ROBO2: variants seen among roughly 807,000 people sequenced by gnomAD.
The protein encoded by ROBO2 is roundabout homolog 2.
Under a neutral mutation model 160.8 loss-of-function variants are expected in ROBO2, and 53 were observed. The ratio of observed to expected loss-of-function variants is 0.33; its 90% CI spans 0.26 to 0.41. ROBO2 has a LOEUF of 0.41. Among genes scored for constraint, ROBO2 ranks in the 10% least tolerant of loss-of-function variants. The pLI, the probability that ROBO2 is intolerant of heterozygous loss-of-function variation, is 1.00. For synonymous variants in ROBO2, 664 were observed against 611.7 expected, an observed-to-expected ratio of 1.09 and a Z score of -1.26; for missense variants, 1,577 against 1,722.4, an observed-to-expected ratio of 0.92 and a Z score of 1.49.
chr3:76,016,260 G>C (rs2066401722), intron 2 of ROBO2, among the ~76,000 whole-genome samples: 1 of 151,994 alleles, frequency 6.6e-6, no homozygotes, highest in African/African-American at 2.4e-5. Context: ...GACAGGCTGT[G>C]CTTTTTAGAG....
At chr3:76,083,433 C>T (rs1194901374) in intron 2 of ROBO2, among the ~76,000 whole-genome samples, 1 of 152,028 alleles carries the variant, frequency 6.6e-6, no homozygotes, top group African/African-American at 2.4e-5. Context: ...TTGAGATTGA[C>T]CACTGTTCAT....
At chr3:76,270,263 A>G (rs1707352606) in intron 2 of ROBO2, among the ~76,000 whole-genome samples, 1 of 152,080 alleles carries the variant, frequency 6.6e-6, no homozygotes, top group Admixed American at 6.6e-5. Flanking sequence ...AACACTTTAA[A>G]TACACATTTC....
intron 2 of ROBO2, among the ~76,000 whole-genome samples, chr3:76,990,181 C>T (rs1258400613): frequency 6.6e-6 from 1 of 152,110 alleles, no homozygotes; most frequent in African/African-American, 2.4e-5. Context: ...TGGGATTCAT[C>T]ACGATGTATT....
chr3:77,024,201 G>A (rs1244725390), intron 2 of ROBO2, among the ~76,000 whole-genome samples: 3 of 152,176 alleles, frequency 2.0e-5, no homozygotes, highest in Admixed American at 1.3e-4. Flanking sequence ...GTAGAGAAAT[G>A]TGTGAACATT....
chr3:76,875,027 T>C (rs2072552539), intron 2 of ROBO2, among the ~76,000 whole-genome samples: 1 of 152,200 alleles, frequency 6.6e-6, no homozygotes, highest in South Asian at 2.1e-4. Context: ...ATGAAACTAA[T>C]GGCCAAAAGA....
chr3:76,871,659 A>G (rs1037583093), intron 2 of ROBO2, among the ~76,000 whole-genome samples: 6 of 152,214 alleles, frequency 3.9e-5, no homozygotes, highest in African/African-American at 1.4e-4. Flanking sequence ...CAGATAAAAC[A>G]TATTTTTCAG....
chr3:76,346,935 T>A (rs1185487794), intron 2 of ROBO2, among the ~76,000 whole-genome samples: 1 of 152,126 alleles, frequency 6.6e-6, no homozygotes, highest in African/African-American at 2.4e-5. Context: ...CTCCCTAATG[T>A]GAAGATGATG....
At chr3:77,359,771 T>C (rs1196483668) in intron 2 of ROBO2, among the ~76,000 whole-genome samples, 1 of 152,158 alleles carries the variant, frequency 6.6e-6, no homozygotes, top group African/African-American at 2.4e-5. Flanking sequence ...CTCAAACTCC[T>C]GGGCTCAAGT....
intron 2 of ROBO2, among the ~76,000 whole-genome samples, chr3:76,020,889 C>T (rs1358552518): frequency 6.6e-6 from 1 of 151,786 alleles, no homozygotes; most frequent in East Asian, 1.9e-4. Flanking sequence ...TTACTTACAT[C>T]TTACTTTTGA....
At chr3:76,248,806 C>T (rs1345067961) in intron 2 of ROBO2, among the ~76,000 whole-genome samples, 2 of 151,962 alleles carry the variant, frequency 1.3e-5, no homozygotes, top group African/African-American at 4.8e-5. Flanking sequence ...CTCTCTAAAC[C>T]CTGTCATTTC....
chr3:77,041,719 G>A (rs2064120502), intron 1 of ROBO2, among the ~76,000 whole-genome samples: 1 of 152,110 alleles, frequency 6.6e-6, no homozygotes, highest in Non-Finnish European at 1.5e-5. Context: ...AAAGAAAAAA[G>A]TTAAAAGAAT....
chr3:76,122,771 A>G lies in ROBO2; in HGVS notation c.109+185169A>G, dbSNP rs534354876. Among the ~76,000 whole-genome samples, 11 of 152,272 alleles carry G rather than the reference A, an allele frequency of 7.2e-5. No homozygotes were observed. In the South Asian group the frequency reaches 2.3e-3, roughly 32 times the overall value. On this transcript the variant is annotated intron_variant, in intron 2 of 26. Transcript: ENST00000487694. ...GCTTTATGGTTGTTGATACTGTAGC[A>G]TGATGGACATATATATTCATTTGTG...
intron 2 of ROBO2, among the ~76,000 whole-genome samples, chr3:76,957,852 A>C (rs1017627006): frequency 2.0e-5 from 3 of 152,096 alleles, no homozygotes; most frequent in Admixed American, 1.3e-4. Flanking sequence ...AAAAGTGATA[A>C]AATTTAACTC....
intron 2 of ROBO2, among the ~76,000 whole-genome samples, chr3:76,457,949 A>G (rs1407915000): frequency 2.0e-5 from 3 of 152,038 alleles, no homozygotes; most frequent in Admixed American, 2.0e-4. Context: ...GGAACCCTGG[A>G]CCTGGCCCAC....
chr3:77,132,687 T>C (rs1469222952), intron 2 of ROBO2, among the ~76,000 whole-genome samples: 1 of 150,976 alleles, frequency 6.6e-6, no homozygotes, highest in East Asian at 1.9e-4. Flanking sequence ...TACATCTCTT[T>C]TGGCCACTGA....
chr3:77,253,060 G>A (rs1052939691), intron 2 of ROBO2, among the ~76,000 whole-genome samples: 1 of 151,770 alleles, frequency 6.6e-6, no homozygotes, highest in Non-Finnish European at 1.5e-5. Flanking sequence ...ACTAGGAAGT[G>A]TTCTAAGTAA....
chr3:77,429,636 C>T (rs931027164), intron 2 of ROBO2, among the ~76,000 whole-genome samples: 6 of 148,450 alleles, frequency 4.0e-5, no homozygotes, highest in Non-Finnish European at 5.9e-5. Flanking sequence ...TTTAAATGCA[C>T]TCAGTATTTC....
chr3:76,604,503 A>T (rs2087485744), intron 2 of ROBO2, among the ~76,000 whole-genome samples: 1 of 152,138 alleles, frequency 6.6e-6, no homozygotes. Flanking sequence ...ACCTAGAGTA[A>T]AAAAAGCAAT....
At chr3:76,201,011 C>T (rs556938937) in intron 2 of ROBO2, among the ~76,000 whole-genome samples, 47 of 151,966 alleles carry the variant, frequency 3.1e-4, no homozygotes, top group Non-Finnish European at 2.5e-4. Flanking sequence ...TTTAAACATT[C>T]GTAGGGTTTG....
Sources: allele counts gnomAD v4.1 joint callset (sites outside exome capture counted in the v4.1 genomes callset), GRCh38; gene constraint gnomAD v4.1.1; transcripts MANE v1.5; gene names NCBI Gene and HGNC (gene_info 2026-07-23, HGNC 2026-07-21).